The following CACUL1 variants were observed in gnomAD, a reference collection of about 807,000 sequenced individuals.
The protein encoded by CACUL1 is CDK2 associated cullin domain 1.
In CACUL1, 13 loss-of-function variants were observed where a neutral mutation model predicts 45.2. That is an observed-to-expected ratio of 0.29 (90% CI 0.19 to 0.46). The LOEUF is 0.46. Ranked by LOEUF, CACUL1 falls within the 20% of genes least tolerant of loss-of-function variation. The probability of loss-of-function intolerance (pLI) is 1.00; values close to 1 mark genes in which losing one functional copy is unlikely to be tolerated. For missense variants in CACUL1, 421 were observed against 471.4 expected (o/e 0.89, Z 0.99); for synonymous variants, 197 against 174.2 (o/e 1.13, Z -1.03).
rs1213801944 is a variant in CACUL1, at chr10:118,683,155, ATTTACT to A, written c.*2967_*2972del. On this transcript the variant is annotated 3_prime_UTR_variant, in exon 9 of 9. Coordinates refer to ENST00000369151, the MANE Select transcript of CACUL1 (RefSeq NM_153810.5). ...GTACCGTCTCTCAAAACAATTATCGATTTACTTTTACATGTCATTTTTTCAAGATGA... is the reference window on the plus strand; with the variant it reads ...GTACCGTCTCTCAAAACAATTATCGATTTACATGTCATTTTTTCAAGATGA... 1 of 152,012 alleles carries A rather than the reference ATTTACT, an allele frequency of 6.6e-6. No individual in the cohort carries two copies. The highest frequency in any genetic ancestry group is 1.5e-5 in the Non-Finnish European group (1 of 68,018). 9.4% of individuals were successfully genotyped at this position (152,012 alleles called of 1,614,324 possible).
chr10:118,733,677 A>G (rs1220704772), intron 1 of CACUL1, among the ~76,000 whole-genome samples: 2 of 152,220 alleles, frequency 1.3e-5, no homozygotes, highest in Non-Finnish European at 2.9e-5. Flanking sequence ...GAGATATGTA[A>G]TCACTTTCAA....
chr10:118,700,179 G>A (rs571922257), intron 5 of CACUL1, among the ~76,000 whole-genome samples: 1 of 151,970 alleles, frequency 6.6e-6, no homozygotes, highest in East Asian at 1.9e-4. Context: ...TCTGGTAAAA[G>A]TTCATTGTGG....
chr10:118,691,436 T>A (rs575776198), intron 6 of CACUL1, 33 bp from the exon 7 acceptor site: 1 of 1,578,034 alleles, frequency 6.3e-7, no homozygotes, highest in Admixed American at 1.8e-5. Flanking sequence ...ATTAAGGAAA[T>A]CATATAAACA....
intron 6 of CACUL1, 64 bp from the exon 7 acceptor site, chr10:118,691,467 G>A (rs1845265452): frequency 1.4e-6 from 2 of 1,456,498 alleles, no homozygotes; most frequent in Non-Finnish European, 1.9e-6. Flanking sequence ...AATGGAAAAG[G>A]GAAAGTTTTC....
intron 6 of CACUL1, chr10:118,692,259 AAAC>A (rs983275952): frequency 1.2e-4 from 19 of 152,280 alleles, no homozygotes; most frequent in African/African-American, 4.6e-4. Flanking sequence ...AAATATATAT[AAAC>A]AACAGTAAAA....
intron 1 of CACUL1, among the ~76,000 whole-genome samples, chr10:118,731,750 GT>G (rs1845699396): frequency 6.6e-6 from 1 of 152,150 alleles, no homozygotes. Context: ...GCAATTAACT[GT>G]TTTGCATGAA....
intron 3 of CACUL1, among the ~76,000 whole-genome samples, chr10:118,720,977 A>AT (rs1343634268): frequency 2.6e-5 from 4 of 152,242 alleles, no homozygotes; most frequent in Admixed American, 1.3e-4. Flanking sequence ...GTAAAGGGCT[A>AT]TTTACCAGTT....
rs183964416 is a variant in CACUL1 at position 118,729,581 on chromosome 10, T to C, written c.495-184A>G. Among the ~76,000 whole-genome samples the C allele has an allele frequency of 4.7e-4, 71 of 152,374 alleles. 1 individual carries two copies. The Middle Eastern group carries it at 0.01, about 22-fold the overall frequency. On this transcript the variant is annotated intron_variant, in intron 2 of 8. Transcript: ENST00000369151. ...CCCATCGGTGTTCGGATGGAAAAGA[T>C]AGTACCATCTGCTATAAATATGCCC... is the stretch of plus-strand genomic sequence containing the variant.
intron 3 of CACUL1, among the ~76,000 whole-genome samples, chr10:118,713,359 G>A (rs1845511092): frequency 1.3e-5 from 2 of 152,196 alleles, no homozygotes; most frequent in Admixed American, 6.5e-5. Flanking sequence ...TGTGGATTGG[G>A]TGGCTGCAGC....
chr10:118,741,579 T>C (rs1369500276), intron 1 of CACUL1, among the ~76,000 whole-genome samples: 1 of 152,128 alleles, frequency 6.6e-6, no homozygotes, highest in Non-Finnish European at 1.5e-5. Context: ...TTCATCTTCC[T>C]TTCCTCACCC....
intron 3 of CACUL1, among the ~76,000 whole-genome samples, chr10:118,716,834 C>T (rs1474240794): frequency 2.0e-5 from 3 of 152,184 alleles, no homozygotes; most frequent in Non-Finnish European, 2.9e-5. Flanking sequence ...GATCTCCTGA[C>T]TTCATGATCC....
chr10:118,752,383 T>G (rs1845907490), intron 1 of CACUL1, among the ~76,000 whole-genome samples: 1 of 152,194 alleles, frequency 6.6e-6, no homozygotes, highest in Admixed American at 6.5e-5. Flanking sequence ...TCTAGTTGAA[T>G]GATTTCAGGG....
intron 3 of CACUL1, among the ~76,000 whole-genome samples, chr10:118,712,357 G>A (rs1845494672): frequency 6.6e-6 from 1 of 152,224 alleles, no homozygotes; most frequent in East Asian, 1.9e-4. Context: ...CCCCAAAGAG[G>A]GAGTCACAGC....
At chr10:118,706,531 A>C (rs889124045) in intron 4 of CACUL1, among the ~76,000 whole-genome samples, 1 of 152,218 alleles carries the variant, frequency 6.6e-6, no homozygotes, top group African/African-American at 2.4e-5. Flanking sequence ...TAATTCTGCT[A>C]TCCTAGATGC....
At chr10:118,747,198 T>C (rs569993839) in intron 1 of CACUL1, among the ~76,000 whole-genome samples, 2 of 152,336 alleles carry the variant, frequency 1.3e-5, no homozygotes, top group East Asian at 1.9e-4. Flanking sequence ...TGGGGACCGA[T>C]GCTCTAGAAA....
intron 3 of CACUL1, among the ~76,000 whole-genome samples, chr10:118,718,809 G>C (rs564156219): frequency 1.3e-5 from 2 of 151,970 alleles, no homozygotes; most frequent in African/African-American, 4.8e-5. Flanking sequence ...TCCTGACTTC[G>C]TGATCCACCT....
intron 1 of CACUL1, among the ~76,000 whole-genome samples, chr10:118,746,580 G>C (rs144185524): frequency 6.6e-6 from 1 of 151,974 alleles, no homozygotes; most frequent in African/African-American, 2.4e-5. Context: ...ACAACAGCTA[G>C]AAGAAAAAAT....
intron 1 of CACUL1, among the ~76,000 whole-genome samples, chr10:118,738,892 TAAAAA>T (rs150393133): frequency 1.6e-5 from 1 of 62,258 alleles, no homozygotes; most frequent in Non-Finnish European, 2.9e-5. Context: ...CAAGTGCTCT[TAAAAA>T]AAAAAAAAAA....
At chr10:118,750,803 A>AG (rs1845890981) in intron 1 of CACUL1, among the ~76,000 whole-genome samples, 1 of 62,996 alleles carries the variant, frequency 1.6e-5, no homozygotes, top group South Asian at 5.1e-4. Context: ...TTGTCAACCT[A>AG]AAGGTGGAAA....
Sources: allele counts gnomAD v4.1 joint callset (sites outside exome capture counted in the v4.1 genomes callset), GRCh38; gene constraint gnomAD v4.1.1; transcripts MANE v1.5; gene names NCBI Gene and HGNC (gene_info 2026-07-23, HGNC 2026-07-21).